FBXL17: variants seen among roughly 807,000 people sequenced by gnomAD.
The protein encoded by FBXL17 is F-box/LRR-repeat protein 17.
FBXL17 carries 22 observed loss-of-function variants against 66.2 expected under a neutral mutation model. The observed-to-expected ratio is 0.33, with a 90% CI of 0.24 to 0.47. The LOEUF (loss-of-function observed/expected upper bound fraction) is 0.47, where lower values mean the gene tolerates loss of function less well. FBXL17 is among the 20% of genes least tolerant of loss of function. The pLI is 1.00. For synonymous variants in FBXL17, 474 were observed against 400.5 expected (o/e 1.18, Z -2.19); for missense variants, 878 against 948.2 (o/e 0.93, Z 0.97).
intron 7 of FBXL17, among the ~76,000 whole-genome samples, chr5:108,013,329 G>A (rs949651691): frequency 1.3e-5 from 2 of 152,154 alleles, no homozygotes; most frequent in Non-Finnish European, 2.9e-5. Context: ...TTTTCATAAG[G>A]TTTCTTCAAA....
chr5:108,015,413 T>C (rs1561368682), intron 7 of FBXL17, among the ~76,000 whole-genome samples: 1 of 152,190 alleles, frequency 6.6e-6, no homozygotes, highest in Non-Finnish European at 1.5e-5. Context: ...ATTAGAGTTA[T>C]TCCTGCTGAC....
In FBXL17 at chr5:108,108,506, C is replaced by T. The variant is rs189943092; in HGVS notation, c.1745+77611G>A. Among the ~76,000 whole-genome samples the T allele has an allele frequency of 5.9e-5, 9 of 152,280 alleles. No individual in the cohort carries two copies. In the East Asian group the frequency reaches 1.5e-3, roughly 26 times the overall value. On this transcript the variant is annotated intron_variant, in intron 6 of 8. Coordinates refer to ENST00000542267, the MANE Select transcript of FBXL17 (RefSeq NM_001163315.3). ...AGCACGTTTAAAGGTTTGATAGATT[C>T]ATGAATGAATGAAGTTGTTATGTCT...
chr5:108,123,549 A>T (rs1461420432), intron 6 of FBXL17, among the ~76,000 whole-genome samples: 1 of 152,204 alleles, frequency 6.6e-6, no homozygotes, highest in African/African-American at 2.4e-5. Flanking sequence ...CTAAATCTTT[A>T]GTAAAGATAT....
chr5:108,359,571 C>A (rs762491283), intron 3 of FBXL17, among the ~76,000 whole-genome samples: 1 of 152,126 alleles, frequency 6.6e-6, no homozygotes, highest in African/African-American at 2.4e-5. Context: ...GTACAAGACT[C>A]TGTTATTTAA....
chr5:108,075,641 A>G (rs1307371703), intron 6 of FBXL17, among the ~76,000 whole-genome samples: 2 of 152,042 alleles, frequency 1.3e-5, no homozygotes, highest in African/African-American at 4.8e-5. Context: ...ACGCCCAGCA[A>G]ATTTTTGGTA....
At chr5:108,128,494 A>C (rs926947579) in intron 6 of FBXL17, among the ~76,000 whole-genome samples, 1 of 152,140 alleles carries the variant, frequency 6.6e-6, no homozygotes, top group African/African-American at 2.4e-5. Flanking sequence ...AAAACAGATG[A>C]AAAGTGAAAG....
chr5:107,888,478 A>T (rs1749046138), intron 7 of FBXL17, among the ~76,000 whole-genome samples: 1 of 152,232 alleles, frequency 6.6e-6, no homozygotes, highest in Admixed American at 6.5e-5. Context: ...TGAGAAACAG[A>T]GCAAGCCCAG....
chr5:108,093,702 A>T (rs1749269776), intron 6 of FBXL17, among the ~76,000 whole-genome samples: 1 of 152,160 alleles, frequency 6.6e-6, no homozygotes, highest in Non-Finnish European at 1.5e-5. Context: ...ATATCGGCAA[A>T]GATTATACGC....
intron 8 of FBXL17, among the ~76,000 whole-genome samples, chr5:107,867,372 T>C (rs1294525526): frequency 6.6e-6 from 1 of 152,212 alleles, no homozygotes. Flanking sequence ...ATAACTAAGC[T>C]ACACTTTGGA....
intron 6 of FBXL17, among the ~76,000 whole-genome samples, chr5:108,115,375 T>A (rs1750204277): frequency 1.3e-5 from 2 of 152,100 alleles, no homozygotes; most frequent in South Asian, 4.1e-4. Flanking sequence ...TATTTAAAAT[T>A]TTTTTTAAAA....
At chr5:108,338,276 C>T (rs1384204717) in intron 4 of FBXL17, among the ~76,000 whole-genome samples, 2 of 151,796 alleles carry the variant, frequency 1.3e-5, no homozygotes, top group Non-Finnish European at 2.9e-5. Context: ...TAAATATATG[C>T]CTTCTTCTTT....
intron 6 of FBXL17, among the ~76,000 whole-genome samples, chr5:108,100,296 A>G (rs1343088156): frequency 6.6e-6 from 1 of 152,194 alleles, no homozygotes; most frequent in African/African-American, 2.4e-5. Context: ...AAAAGTTTTT[A>G]ACTTTTAATT....
intron 3 of FBXL17, among the ~76,000 whole-genome samples, chr5:108,352,596 C>T (rs1221832489): frequency 6.6e-6 from 1 of 150,974 alleles, no homozygotes; most frequent in African/African-American, 2.4e-5. Context: ...CTGCAAACTC[C>T]ACCTTCTGGT....
intron 6 of FBXL17, among the ~76,000 whole-genome samples, chr5:108,046,432 T>C (rs1747256922): frequency 6.6e-6 from 1 of 152,218 alleles, no homozygotes; most frequent in Non-Finnish European, 1.5e-5. Flanking sequence ...GTTAGAGCTT[T>C]ATACTTAATA....
At chr5:108,039,413 T>C (rs1746965037) in intron 6 of FBXL17, among the ~76,000 whole-genome samples, 1 of 152,062 alleles carries the variant, frequency 6.6e-6, no homozygotes, top group Non-Finnish European at 1.5e-5. Context: ...ATATATCAAC[T>C]AGACTTAGTA....
intron 7 of FBXL17, among the ~76,000 whole-genome samples, chr5:108,004,914 T>C (rs939197462): frequency 2.0e-5 from 3 of 152,164 alleles, no homozygotes; most frequent in African/African-American, 7.2e-5. Context: ...CCATTCTGAT[T>C]CCTCATTTCC....
intron 6 of FBXL17, among the ~76,000 whole-genome samples, chr5:108,086,077 T>C (rs764257976): frequency 2.0e-5 from 3 of 152,192 alleles, no homozygotes; most frequent in Non-Finnish European, 2.9e-5. Context: ...TGGAAGATCA[T>C]AGAAACTGGA....
chr5:108,079,726 G>A (rs1441885370), intron 6 of FBXL17, among the ~76,000 whole-genome samples: 1 of 152,188 alleles, frequency 6.6e-6, no homozygotes, highest in Non-Finnish European at 1.5e-5. Flanking sequence ...CAGCAATGAG[G>A]TTTTAAGGAT....
At chr5:108,117,909 A>G (rs1419075348) in intron 6 of FBXL17, among the ~76,000 whole-genome samples, 5 of 152,194 alleles carry the variant, frequency 3.3e-5, no homozygotes, top group African/African-American at 1.2e-4. Flanking sequence ...GAAGCCCTAC[A>G]TTAGATAGCT....
Sources: allele counts gnomAD v4.1 joint callset (sites outside exome capture counted in the v4.1 genomes callset), GRCh38; gene constraint gnomAD v4.1.1; transcripts MANE v1.5; gene names NCBI Gene and HGNC (gene_info 2026-07-23, HGNC 2026-07-21).